ARFGAP3: variants seen among roughly 807,000 people sequenced by gnomAD.
ARFGAP3 encodes ARF GTPase activating protein 3.
Under a neutral mutation model 75.0 loss-of-function variants are expected in ARFGAP3, and 72 were observed. The ratio of observed to expected loss-of-function variants is 0.96; its 90% CI spans 0.79 to 1.17. ARFGAP3 has a LOEUF of 1.17. ARFGAP3 is among the 50% of genes most tolerant of loss of function. The pLI, the probability that ARFGAP3 is intolerant of heterozygous loss-of-function variation, is 0.00. For synonymous variants in ARFGAP3, 221 were observed against 217.9 expected, an observed-to-expected ratio of 1.01 and a Z score of -0.13; for missense variants, 620 against 626.6, an observed-to-expected ratio of 0.99 and a Z score of 0.11.
At chr22:42,843,327 C>T (rs925945894) in intron 2 of ARFGAP3, among the ~76,000 whole-genome samples, 6 of 152,230 alleles carry the variant, frequency 3.9e-5, no homozygotes, top group Non-Finnish European at 5.9e-5. Flanking sequence ...CGCTACAAAG[C>T]ATTTCGCTTT....
intron 14 of ARFGAP3, among the ~76,000 whole-genome samples, chr22:42,802,386 C>T (rs532647593): frequency 2.0e-5 from 3 of 151,484 alleles, no homozygotes; most frequent in African/African-American, 4.9e-5. Context: ...CCCAGGTTCA[C>T]GCCATTCTCC....
At chr22:42,842,986 G>A (rs1926852096) in intron 2 of ARFGAP3, among the ~76,000 whole-genome samples, 1 of 151,996 alleles carries the variant, frequency 6.6e-6, no homozygotes, top group African/African-American at 2.4e-5. Context: ...GCAGGTCCTA[G>A]TATTCTCACC....
chr22:42,851,945 A>C (rs1445841430), intron 1 of ARFGAP3, among the ~76,000 whole-genome samples: 4 of 152,236 alleles, frequency 2.6e-5, no homozygotes, highest in Non-Finnish European at 5.9e-5. Flanking sequence ...AGAAGGTACT[A>C]TGATCATCCC....
At chr22:42,810,432 C>T (rs1210760678) in intron 12 of ARFGAP3, among the ~76,000 whole-genome samples, 1 of 152,082 alleles carries the variant, frequency 6.6e-6, no homozygotes, top group Non-Finnish European at 1.5e-5. Flanking sequence ...CCACTGCACT[C>T]CAGCCTGGGC....
intron 7 of ARFGAP3, among the ~76,000 whole-genome samples, chr22:42,825,355 T>C (rs1388297993): frequency 6.6e-6 from 1 of 152,178 alleles, no homozygotes; most frequent in Non-Finnish European, 1.5e-5. Flanking sequence ...ATATATAGAT[T>C]TTATCATATT....
intron 1 of ARFGAP3, among the ~76,000 whole-genome samples, chr22:42,856,536 C>A (rs1927508646): frequency 6.6e-6 from 1 of 152,116 alleles, no homozygotes; most frequent in African/African-American, 2.4e-5. Context: ...CCAAAGAGAA[C>A]CGAGGAGAGG....
Position 42,841,054 on chromosome 22 carries a change from T to C in ARFGAP3, c.189-38A>G, listed in dbSNP as rs1487035688. ...AATATTACTAACTGTTAATATTTTT[T>C]ATCCCCAGGAGCAAAATCAGTGAGC... On this transcript the variant is annotated intron_variant, in intron 2 of 15. Transcript: ENST00000263245. The C allele has an allele frequency of 5.0e-6, 8 of 1,598,938 alleles. No homozygotes were observed. In the East Asian group the frequency reaches 1.6e-4, roughly 32 times the overall value.
intron 2 of ARFGAP3, among the ~76,000 whole-genome samples, chr22:42,844,692 T>G (rs1036419188): frequency 6.6e-6 from 1 of 152,144 alleles, no homozygotes; most frequent in Non-Finnish European, 1.5e-5. Context: ...TGAACCACTA[T>G]GTCCGGCCCC....
intron 9 of ARFGAP3, 79 bp downstream of exon 9, chr22:42,822,191 C>A: frequency 5.6e-4 from 502 of 896,532 alleles, no homozygotes; most frequent in Non-Finnish European, 6.5e-4. Context: ...CACAAAAATA[C>A]ATGGCATTTG....
intron 14 of ARFGAP3, among the ~76,000 whole-genome samples, chr22:42,804,336 A>T (rs928782977): frequency 2.1e-5 from 3 of 145,134 alleles, no homozygotes; most frequent in East Asian, 2.0e-4. Context: ...CAGCCGCCTG[A>T]GTGGTTGGGA....
chr22:42,819,332 A>G (rs1925713109), intron 9 of ARFGAP3, among the ~76,000 whole-genome samples: 1 of 152,248 alleles, frequency 6.6e-6, no homozygotes, highest in Non-Finnish European at 1.5e-5. Context: ...AATTACAGCA[A>G]CAGATTCTTC....
In ARFGAP3 at chr22:42,827,528, G is replaced by A. The variant is rs182577022; in HGVS notation, c.566-529C>T. Among the ~76,000 whole-genome samples the A allele has an allele frequency of 2.5e-3, 381 of 152,162 alleles. 3 individuals are homozygous for A. Among genetic ancestry groups the A allele is most frequent in the African/African-American group, 8.7e-3 (360 of 41,532 alleles). On this transcript the variant is annotated intron_variant, in intron 6 of 15. Transcript: ENST00000263245. ...ATTACAGGCATGCGCCACCATGCCC[G>A]GCTAATTTTGTATTTTTAGTAGAGA... is the stretch of plus-strand genomic sequence containing the variant.
intron 6 of ARFGAP3, 92 bp from the exon 7 acceptor site, chr22:42,827,091 T>TAC (rs58711348): frequency 3.9e-6 from 6 of 1,519,366 alleles, no homozygotes; most frequent in Non-Finnish European, 5.3e-6. Context: ...CAGTGCTACA[T>TAC]CTTATCCAAT....
chr22:42,842,179 A>G (rs768014467), intron 2 of ARFGAP3, among the ~76,000 whole-genome samples: 9 of 150,794 alleles, frequency 6.0e-5, no homozygotes, highest in Non-Finnish European at 1.3e-4. Context: ...TAATTTTTGT[A>G]TTTTTAGCAG....
At chr22:42,819,118 T>C (rs1275574044) in intron 9 of ARFGAP3, among the ~76,000 whole-genome samples, 1 of 152,138 alleles carries the variant, frequency 6.6e-6, no homozygotes. Flanking sequence ...CGGTGCAGAA[T>C]TTCTTATTAG....
At chr22:42,828,794 C>T (rs1222622307) in intron 6 of ARFGAP3, among the ~76,000 whole-genome samples, 2 of 148,462 alleles carry the variant, frequency 1.3e-5, no homozygotes, top group Non-Finnish European at 3.0e-5. Context: ...AAGGGATTCT[C>T]CTGCCTCAGC....
At chr22:42,827,381 T>C (rs1926088200) in intron 6 of ARFGAP3, among the ~76,000 whole-genome samples, 1 of 152,244 alleles carries the variant, frequency 6.6e-6, no homozygotes, top group Admixed American at 6.5e-5. Flanking sequence ...TTTTTTTCTT[T>C]TGGAGACAGA....
rs202121202 is a variant in ARFGAP3, at chr22:42,852,339, G to A, written c.70-4707C>T. On this transcript the variant is annotated intron_variant, in intron 1 of 15. Transcript: ENST00000263245. ...CTCCCAAAGTGCTGGGATTACAGGC[G>A]CCACCGCGCCTAGCCTCATCTTGAA... Among the ~76,000 whole-genome samples the A allele has an allele frequency of 4.4e-4, 66 of 151,526 alleles. No homozygotes were observed. The East Asian group carries it at 0.012, about 27-fold the overall frequency.
At chr22:42,845,205 T>C (rs1434191779) in intron 2 of ARFGAP3, among the ~76,000 whole-genome samples, 5 of 152,018 alleles carry the variant, frequency 3.3e-5, no homozygotes, top group Non-Finnish European at 4.4e-5. Context: ...TAGGTTACCA[T>C]AAGTTAACTG....
Sources: allele counts gnomAD v4.1 joint callset (sites outside exome capture counted in the v4.1 genomes callset), GRCh38; gene constraint gnomAD v4.1.1; transcripts MANE v1.5; gene names NCBI Gene and HGNC (gene_info 2026-07-23, HGNC 2026-07-21).